The following ELAVL2 variants were observed in gnomAD, a reference collection of about 807,000 sequenced individuals.
The protein encoded by ELAVL2 is ELAV-like protein 2.
ELAVL2 carries 4 observed loss-of-function variants against 34.6 expected under a neutral mutation model. The observed-to-expected ratio is 0.12, with a 90% CI of 0.06 to 0.26. The LOEUF (loss-of-function observed/expected upper bound fraction) is 0.26. Among genes scored for constraint, ELAVL2 ranks in the 10% least tolerant of loss-of-function variants. ELAVL2 has a pLI of 1.00. For missense variants in ELAVL2, 432 were observed against 442.8 expected (o/e 0.98, Z 0.22); for synonymous variants, 193 against 154.8 (o/e 1.25, Z -1.83).
At chr9:23,845,779 G>A in the ELAVL2 span, among the ~76,000 whole-genome samples, 1 of 151,374 alleles carries the variant, frequency 6.6e-6, no homozygotes, top group African/African-American at 2.4e-5. Flanking sequence ...TAATGTGTGA[G>A]CTCTCTGCAT....
At chr9:23,841,486 C>G in the ELAVL2 span, among the ~76,000 whole-genome samples, 1 of 152,222 alleles carries the variant, frequency 6.6e-6, no homozygotes, top group Admixed American at 6.5e-5. Context: ...TACCCTCTCT[C>G]TAGGTTTAAG....
intron 2 of ELAVL2, among the ~76,000 whole-genome samples, chr9:23,741,234 A>C (rs1283819324): frequency 2.0e-5 from 3 of 152,210 alleles, no homozygotes; most frequent in Non-Finnish European, 4.4e-5. Context: ...ACAAGCCAAA[A>C]GCATACTACG....
chr9:23,813,106 A>G (rs1229073631), intron 1 of ELAVL2, among the ~76,000 whole-genome samples: 2 of 152,194 alleles, frequency 1.3e-5, no homozygotes, highest in Non-Finnish European at 2.9e-5. Context: ...CTAGACATTA[A>G]CACACACCAA....
chr9:23,737,489 G>C (rs965137060), intron 2 of ELAVL2, among the ~76,000 whole-genome samples: 20 of 152,192 alleles, frequency 1.3e-4, no homozygotes, highest in African/African-American at 4.6e-4. Flanking sequence ...AGAGTAATTT[G>C]ATAGATTTAC....
chr9:23,729,603 G>C (rs2046065259), intron 3 of ELAVL2, among the ~76,000 whole-genome samples: 1 of 152,026 alleles, frequency 6.6e-6, no homozygotes, highest in African/African-American at 2.4e-5. Context: ...ATAATATACA[G>C]TAACCAGTTC....
chr9:23,740,590 A>C (rs561753549), intron 2 of ELAVL2, among the ~76,000 whole-genome samples: 1 of 152,322 alleles, frequency 6.6e-6, no homozygotes, highest in Non-Finnish European at 1.5e-5. Flanking sequence ...TTTGTCATGA[A>C]ATAAATTGAC....
intron 1 of ELAVL2, among the ~76,000 whole-genome samples, chr9:23,781,969 C>G (rs1588453521): frequency 6.6e-6 from 1 of 152,094 alleles, no homozygotes; most frequent in East Asian, 1.9e-4. Flanking sequence ...CAGGCGTGAG[C>G]CACCGCGCCT....
At chr9:23,790,681 A>C (rs1032532725) in intron 1 of ELAVL2, among the ~76,000 whole-genome samples, 10 of 152,184 alleles carry the variant, frequency 6.6e-5, no homozygotes, top group African/African-American at 2.4e-4. Flanking sequence ...CTGACTATCT[A>C]ATGTAACTAG....
intron 3 of ELAVL2, among the ~76,000 whole-genome samples, chr9:23,717,870 T>C (rs1430157461): frequency 2.0e-5 from 3 of 152,236 alleles, no homozygotes; most frequent in Non-Finnish European, 4.4e-5. Flanking sequence ...TTATAAAATA[T>C]TTAATTACAG....
At chr9:23,693,658 C>T (rs951256493) in intron 5 of ELAVL2, among the ~76,000 whole-genome samples, 172 bp from the exon 6 acceptor site, 1 of 152,174 alleles carries the variant, frequency 6.6e-6, no homozygotes, top group South Asian at 2.1e-4. Flanking sequence ...CCGACTGCCA[C>T]AGGACAGTTC....
chr9:23,705,094 A>C (rs768830241), intron 3 of ELAVL2, 23 bp from the exon 4 acceptor site: 1 of 1,613,452 alleles, frequency 6.2e-7, no homozygotes, highest in African/African-American at 1.3e-5. Context: ...AATAAAATTA[A>C]ATGTATATGC....
intron 1 of ELAVL2, among the ~76,000 whole-genome samples, chr9:23,813,874 T>C (rs1564571106): frequency 6.8e-6 from 1 of 146,330 alleles, no homozygotes; most frequent in Non-Finnish European, 1.5e-5. Flanking sequence ...ACTGCCTTTG[T>C]CTTTACACTT....
At chr9:23,817,608 G>T (rs1280459070) in intron 1 of ELAVL2, among the ~76,000 whole-genome samples, 1 of 152,138 alleles carries the variant, frequency 6.6e-6, no homozygotes, top group Non-Finnish European at 1.5e-5. Flanking sequence ...TTAGCACAGC[G>T]TTGCTCACAC....
At chr9:23,732,621 G>A (rs1056131358) in intron 2 of ELAVL2, among the ~76,000 whole-genome samples, 2 of 152,128 alleles carry the variant, frequency 1.3e-5, no homozygotes, top group Non-Finnish European at 2.9e-5. Context: ...ATGAAAATGT[G>A]TTGCAGTCCT....
At chr9:23,810,442 A>G (rs1326548923) in intron 1 of ELAVL2, among the ~76,000 whole-genome samples, 1 of 152,070 alleles carries the variant, frequency 6.6e-6, no homozygotes, top group Non-Finnish European at 1.5e-5. Flanking sequence ...TGGTACAACA[A>G]CCCCACCACT....
intron 1 of ELAVL2, among the ~76,000 whole-genome samples, chr9:23,790,672 T>C (rs965381274): frequency 6.6e-6 from 1 of 152,240 alleles, no homozygotes; most frequent in Non-Finnish European, 1.5e-5. Context: ...AACTATAAAC[T>C]GACTATCTAA....
At chr9:23,806,199 A>C (rs1588683914) in intron 1 of ELAVL2, among the ~76,000 whole-genome samples, 1 of 152,346 alleles carries the variant, frequency 6.6e-6, no homozygotes, top group South Asian at 2.1e-4. Context: ...CAATTGGTTA[A>C]ATATGTAAGT....
intron 3 of ELAVL2, among the ~76,000 whole-genome samples, chr9:23,712,266 C>T (rs571610516): frequency 6.6e-6 from 1 of 152,134 alleles, no homozygotes; most frequent in East Asian, 1.9e-4. Flanking sequence ...CGGGATTTTC[C>T]ATTACATCAT....
intron 1 of ELAVL2, among the ~76,000 whole-genome samples, chr9:23,806,680 A>C (rs2062265054): frequency 6.6e-6 from 1 of 152,200 alleles, no homozygotes; most frequent in African/African-American, 2.4e-5. Context: ...CAAAGTTATA[A>C]GAATCACTGA....
Sources: gnomAD v4.1 joint callset for allele counts (sites outside exome capture counted in the v4.1 genomes callset) on GRCh38, gnomAD v4.1.1 for gene constraint, MANE v1.5 for transcripts, NCBI Gene and HGNC (gene_info 2026-07-23, HGNC 2026-07-21) for gene names.